Variants in RTN4IP1 observed in about 807,000 individuals in gnomAD.
RTN4IP1 encodes the protein NAD(P)H oxidoreductase RTN4IP1, mitochondrial.
RTN4IP1 carries 32 observed loss-of-function variants against 46.6 expected under a neutral mutation model. That is an observed-to-expected ratio of 0.69 (90% confidence interval 0.52 to 0.92). RTN4IP1 has a LOEUF of 0.92. Among genes scored for constraint, RTN4IP1 ranks in the 40% least tolerant of loss-of-function variants. RTN4IP1 has a pLI of 0.00. For synonymous variants in RTN4IP1, 167 were observed against 161.8 expected (o/e 1.03, Z -0.24); for missense variants, 424 against 485.8 (o/e 0.87, Z 1.20).
At chr6:106,589,743 T>C (rs1485223190) in intron 6 of RTN4IP1, among the ~76,000 whole-genome samples, 1 of 152,230 alleles carries the variant, frequency 6.6e-6, no homozygotes, top group African/African-American at 2.4e-5. Flanking sequence ...AGGAGGAACA[T>C]ATTTATCCTA....
At chr6:106,579,502 A>C (rs1375564844) in intron 8 of RTN4IP1, among the ~76,000 whole-genome samples, 1 of 152,192 alleles carries the variant, frequency 6.6e-6, no homozygotes, top group Non-Finnish European at 1.5e-5. Flanking sequence ...TGAGGTCACC[A>C]CATATTTAGG....
intron 5 of RTN4IP1, among the ~76,000 whole-genome samples, chr6:106,599,094 G>T (rs1775878919): frequency 6.6e-6 from 1 of 151,462 alleles, no homozygotes; most frequent in Non-Finnish European, 1.5e-5. Context: ...TGAAATAGTA[G>T]GTGACATTTC....
chr6:106,619,698 G>A (rs1202496689), intron 3 of RTN4IP1, among the ~76,000 whole-genome samples: 3 of 136,710 alleles, frequency 2.2e-5, no homozygotes, highest in African/African-American at 8.2e-5. Flanking sequence ...TGCAAGCTCC[G>A]CCTCCCGGGT....
chr6:106,572,258 G>A, intron 8 of RTN4IP1, 155 bp from the exon 9 acceptor site: 1 of 626,314 alleles, frequency 1.6e-6, no homozygotes, highest in Non-Finnish European at 2.8e-6. Flanking sequence ...CAAGGGCCAT[G>A]ATGCTGCCTC....
At chr6:106,597,796 T>C (rs1417807393) in intron 5 of RTN4IP1, among the ~76,000 whole-genome samples, 2 of 151,888 alleles carry the variant, frequency 1.3e-5, no homozygotes, top group Non-Finnish European at 1.5e-5. Flanking sequence ...CTGCACCCAC[T>C]AACTCGTCAT....
At chr6:106,617,007 T>C (rs1776372987) in intron 4 of RTN4IP1, among the ~76,000 whole-genome samples, 1 of 150,836 alleles carries the variant, frequency 6.6e-6, no homozygotes, top group Non-Finnish European at 1.5e-5. Flanking sequence ...GGATTTGTGC[T>C]CTTATAAGAG....
At chr6:106,588,836 T>C (rs534869327) in intron 6 of RTN4IP1, among the ~76,000 whole-genome samples, 1 of 152,078 alleles carries the variant, frequency 6.6e-6, no homozygotes, top group East Asian at 2.0e-4. Context: ...CAAGGCCGGG[T>C]GCAGTGGCTC....
intron 4 of RTN4IP1, among the ~76,000 whole-genome samples, chr6:106,603,644 T>C (rs764172853): frequency 6.6e-6 from 1 of 152,168 alleles, no homozygotes; most frequent in Non-Finnish European, 1.5e-5. Context: ...GTAAAATTTG[T>C]GCGATGATGC....
At chr6:106,618,921 A>G (rs544452207) in intron 4 of RTN4IP1, among the ~76,000 whole-genome samples, 3 of 152,344 alleles carry the variant, frequency 2.0e-5, no homozygotes, top group South Asian at 4.1e-4. Flanking sequence ...AATCACATAT[A>G]ATATTTTGCA....
intron 8 of RTN4IP1, among the ~76,000 whole-genome samples, chr6:106,579,299 A>T (rs1035152841): frequency 2.0e-5 from 3 of 152,178 alleles, no homozygotes; most frequent in Non-Finnish European, 4.4e-5. Flanking sequence ...CCTCAGACTG[A>T]ATGTGGCCCA....
At chr6:106,602,972 C>G in intron 4 of RTN4IP1, 50 bp from the exon 5 acceptor site, 1 of 1,402,928 alleles carries the variant, frequency 7.1e-7, no homozygotes. Flanking sequence ...GCAGATATAA[C>G]TGGATAAACG....
chr6:106,612,864 G>A (rs9400032), intron 4 of RTN4IP1, among the ~76,000 whole-genome samples: 103,785 of 152,052 alleles, frequency 0.68, 37,312 homozygotes, highest in Non-Finnish European at 0.81. Context: ...TGACAGAGTA[G>A]CAGGGGCCAC....
In RTN4IP1 at chr6:106,577,447, CAAAAAAAA is replaced by C. The variant is rs58921891; in HGVS notation, c.1084-5352_1084-5345del. 4.1e-3 allele frequency among the ~76,000 whole-genome samples: 230 copies of C among 55,426 alleles called. 1 individual carries two copies. The highest frequency in any genetic ancestry group is 0.017 in the African/African-American group (211 of 12,726). The allele number at this position is 55,426 out of a possible 152,430, so 36.4% of individuals were successfully genotyped here. A position where few individuals can be genotyped will look rare whatever the true frequency, so the allele number is the denominator to read the frequency against. On this transcript the variant is annotated intron_variant, in intron 8 of 8. Transcript: ENST00000369063. ...TGGGTGACAAAGTGAGACCCTGTCTCAAAAAAAAAAAAAAAAAAAAAAAAAGATCTTCC... is the reference window on the plus strand; with the variant it reads ...TGGGTGACAAAGTGAGACCCTGTCTCAAAAAAAAAAAAAAAAAGATCTTCC...
chr6:106,597,849 C>A (rs1582365828), intron 5 of RTN4IP1, among the ~76,000 whole-genome samples: 1 of 152,190 alleles, frequency 6.6e-6, no homozygotes, highest in Middle Eastern at 3.4e-3. Flanking sequence ...TCCCCGCTCC[C>A]CGCACCCCAC....
intron 4 of RTN4IP1, among the ~76,000 whole-genome samples, chr6:106,609,718 G>C (rs1422367797): frequency 6.6e-6 from 1 of 152,186 alleles, no homozygotes; most frequent in Non-Finnish European, 1.5e-5. Flanking sequence ...GGCTACTTCA[G>C]GATCCAACTG....
intron 4 of RTN4IP1, among the ~76,000 whole-genome samples, chr6:106,609,810 T>C (rs1392592446): frequency 6.6e-6 from 1 of 152,172 alleles, no homozygotes; most frequent in Non-Finnish European, 1.5e-5. Flanking sequence ...TTCCCTCAAA[T>C]AAAAAAGCAA....
At chr6:106,602,770 C>T (rs1228997605) in intron 5 of RTN4IP1, 104 bp downstream of exon 5, 1 of 701,692 alleles carries the variant, frequency 1.4e-6, no homozygotes, top group Non-Finnish European at 2.3e-6. Flanking sequence ...GTACATTTAC[C>T]AGACCTACCT....
At chr6:106,581,695 TC>T (rs1372339153) in intron 8 of RTN4IP1, among the ~76,000 whole-genome samples, 3 of 152,228 alleles carry the variant, frequency 2.0e-5, no homozygotes, top group Non-Finnish European at 2.9e-5. Context: ...GTTTATCATG[TC>T]CTATTTTAGC....
intron 1 of RTN4IP1, among the ~76,000 whole-genome samples, chr6:106,628,251 A>G (rs1023450949): frequency 1.3e-5 from 2 of 151,974 alleles, no homozygotes; most frequent in Non-Finnish European, 2.9e-5. Flanking sequence ...GGATCGCCTG[A>G]GGTCAGGAGT....
Sources: allele counts gnomAD v4.1 joint callset (sites outside exome capture counted in the v4.1 genomes callset), GRCh38; gene constraint gnomAD v4.1.1; transcripts MANE v1.5; gene names NCBI Gene and HGNC (gene_info 2026-07-23, HGNC 2026-07-21).